Variants in INF2 observed in about 807,000 individuals in gnomAD.
INF2 encodes the protein inverted formin 2, also known as inverted formin-2.
Under a neutral mutation model 123.5 loss-of-function variants are expected in INF2, and 43 were observed. That is an observed-to-expected ratio of 0.35 (90% CI 0.27 to 0.45). The LOEUF (loss-of-function observed/expected upper bound fraction) is 0.45, where lower values mean the gene tolerates loss of function less well. Among genes scored for constraint, INF2 ranks in the 20% least tolerant of loss-of-function variants. INF2 has a pLI of 1.00. For missense variants in INF2, 1,453 were observed against 1,682.7 expected, an observed-to-expected ratio of 0.86 and a Z score of 2.39; for synonymous variants, 851 against 745.0, an observed-to-expected ratio of 1.14 and a Z score of -2.32.
At chr14:104,700,418 C>T (rs2140632870) in intron 1 of INF2, among the ~76,000 whole-genome samples, 2 of 152,316 alleles carry the variant, frequency 1.3e-5, no homozygotes, top group Non-Finnish European at 2.9e-5. Context: ...CCCTAGCTCC[C>T]TCCCCGAGGC....
chr14:104,694,706 G>A (rs1332060392), intron 1 of INF2, among the ~76,000 whole-genome samples: 2 of 152,120 alleles, frequency 1.3e-5, no homozygotes, highest in Non-Finnish European at 2.9e-5. Flanking sequence ...AGCAGCCCCT[G>A]GCCGTGCTGG....
At chr14:104,712,589 G>A in intron 17 of INF2, 36 bp downstream of exon 17, 1 of 1,612,204 alleles carries the variant, frequency 6.2e-7, no homozygotes, top group South Asian at 1.1e-5. Context: ...TGGCGGGAGA[G>A]GCTGCCCTGA....
rs116491606 is a variant in INF2, at chr14:104,710,637, G to A, written c.2240-300G>A. On this transcript the variant is annotated intron_variant, in intron 13 of 22. Transcript: ENST00000392634. ...TGTACAGACATAAGTGCACACACAC[G>A]GGCACCATCTCTGAAAGGGGAATCC... 8.9e-4 allele frequency: 476 copies of A among 536,262 alleles called. 1 individual carries two copies. Among genetic ancestry groups the A allele is most frequent in the African/African-American group, 7.8e-3 (413 of 52,762 alleles). 33.2% of individuals were successfully genotyped at this position (536,262 alleles called of 1,614,324 possible).
In INF2 at chr14:104,719,051, A is replaced by G; in HGVS notation, c.*258A>G. 1.2e-6 allele frequency: 1 copy of G among 810,038 alleles called. No individual in the cohort carries two copies. Among genetic ancestry groups the G allele is most frequent in the Non-Finnish European group, 1.8e-6 (1 of 549,084 alleles). 50.2% of individuals were successfully genotyped at this position (810,038 alleles called of 1,614,324 possible). The stretch of plus-strand genomic sequence containing the variant: ...TGCCAGCCTCCCACCTGCTTCCTAA[A>G]GGCAACCCTGGCCCACACCCGCATG... On this transcript the variant is annotated 3_prime_UTR_variant, in exon 23 of 23. Coordinates refer to ENST00000392634, the MANE Select transcript of INF2 (RefSeq NM_022489.4).
chr14:104,713,851 A>G (rs1420254029), intron 20 of INF2, among the ~76,000 whole-genome samples: 1 of 152,232 alleles, frequency 6.6e-6, no homozygotes, highest in Non-Finnish European at 1.5e-5. Flanking sequence ...GCAGCAGTCC[A>G]GCCCGCTGGG....
intron 22 of INF2, chr14:104,715,785 C>T (rs1325974965): frequency 8.4e-6 from 4 of 475,540 alleles, no homozygotes; most frequent in South Asian, 6.2e-5. Flanking sequence ...GGGCTATCTT[C>T]ACTCTAAGTG....
chr14:104,686,753 G>A (rs951222085), upstream of INF2, among the ~76,000 whole-genome samples: 6 of 152,192 alleles, frequency 3.9e-5, no homozygotes, highest in South Asian at 2.1e-4. Context: ...GCAAGTGGCC[G>A]CCTGCTGCAT....
intron 16 of INF2, 118 bp downstream of exon 16, chr14:104,711,817 G>C: frequency 2.3e-6 from 2 of 852,240 alleles, no homozygotes; most frequent in South Asian, 1.6e-5. Flanking sequence ...CAGCCCCGGC[G>C]CCACGGAGCC....
chr14:104,693,801 A>T (rs1289556326), intron 1 of INF2, among the ~76,000 whole-genome samples: 1 of 152,178 alleles, frequency 6.6e-6, no homozygotes, highest in Non-Finnish European at 1.5e-5. Context: ...GGGTCCTTGC[A>T]GGCCCTGGGA....
At chr14:104,714,094 G>A in intron 20 of INF2, 109 bp from the exon 21 acceptor site, 5 of 964,630 alleles carry the variant, frequency 5.2e-6, no homozygotes, top group Non-Finnish European at 7.5e-6. Context: ...GGCTTTCTGG[G>A]GAGGAGGTTT....
At chr14:104,715,427 A>G in intron 22 of INF2, 87 bp downstream of exon 22, 1 of 1,245,834 alleles carries the variant, frequency 8.0e-7, no homozygotes, top group Non-Finnish European at 1.2e-6. Context: ...CCTCCGGGAC[A>G]CTAACCTGGC....
Position 104,711,695 on chromosome 14 carries a change from G to C in INF2, c.2485G>C (p.Ala829Pro). Residue 829 changes from alanine to proline, a missense_variant, in exon 16 of 23, where the codon GCA becomes CCA. Coordinates refer to ENST00000392634, the MANE Select transcript of INF2 (RefSeq NM_022489.4). Reference protein sequence around the residue: ...PRDLEQPSQAAGINLEIIRSE... With the variant: ...PRDLEQPSQAPGINLEIIRSE... The stretch of plus-strand genomic sequence containing the variant: ...GGACCTGGAACAGCCCTCGCAAGCA[G>C]CAGGGTAGGTAGCTCCTGCCAGCCC... The C allele has an allele frequency of 6.2e-7, 1 of 1,612,330 alleles. No homozygotes were observed. The highest frequency in any genetic ancestry group is 8.5e-7 in the Non-Finnish European group (1 of 1,179,634).
In INF2 at chr14:104,710,977, G is replaced by C. The variant is rs1890021066; in HGVS notation, c.2280G>C (p.Leu760=). 1 of 1,611,748 alleles carries C rather than the reference G, an allele frequency of 6.2e-7. No individual in the cohort carries two copies. Among genetic ancestry groups the C allele is most frequent in the Admixed American group, 1.7e-5 (1 of 59,928 alleles). The change falls in exon 14 of 23, where the codon CTG becomes CTC. Residue 760 remains leucine (L), a synonymous_variant. Coordinates refer to ENST00000392634, the MANE Select transcript of INF2 (RefSeq NM_022489.4). ...TSRQLPIFCQ[L]ILRIGNFLNY... is the part of the protein sequence containing the mutation. The stretch of plus-strand genomic sequence containing the variant: ...GCCAGCTGCCCATCTTCTGCCAGCT[G>C]ATCCTGAGAATTGGGAACTTCCTCA...
chr14:104,704,462 C>T (rs942609505), intron 5 of INF2: 10 of 194,258 alleles, frequency 5.1e-5, no homozygotes, highest in East Asian at 2.5e-4. Context: ...AACCGGGCCA[C>T]GCAGCAGGAA....
At chr14:104,687,027 C>T (rs750553860), upstream of INF2, among the ~76,000 whole-genome samples, 4 of 152,204 alleles carry the variant, frequency 2.6e-5, no homozygotes, top group Non-Finnish European at 2.9e-5. This position sits in a 1 kb window ranked among gnomAD's most constrained non-coding sequence, Gnocchi z 5.6. Context: ...TGTACCTGCA[C>T]GACCCTGTTC....
rs778305724 is a variant in INF2, at chr14:104,711,194, G to A, written c.2418+8G>A. 6.2e-5 allele frequency: 96 copies of A among 1,550,772 alleles called. No homozygotes were observed. The highest frequency in any genetic ancestry group is 8.3e-5 in the South Asian group (7 of 84,316). On this transcript the variant is annotated splice_region_variant and intron_variant, in intron 15 of 22. Transcript: ENST00000392634. ...CTGCACCACGTGCTGGAGGTGGGCC[G>A]TGGTGGCGGGGGCATAATGGGAGGG...
chr14:104,710,812 C>T, intron 13 of INF2, 125 bp from the exon 14 acceptor site: 1 of 798,170 alleles, frequency 1.3e-6, no homozygotes. Context: ...CCTTCCGGTG[C>T]TGGGCTGAGC....
At chr14:104,681,932 G>A (rs996622656) in intron 1 of INF2, among the ~76,000 whole-genome samples, 1 of 152,222 alleles carries the variant, frequency 6.6e-6, no homozygotes, top group African/African-American at 2.4e-5. Flanking sequence ...GAGGCGCTGT[G>A]GGAAGGAGGG....
intron 11 of INF2, 43 bp downstream of exon 11, chr14:104,709,426 C>A: frequency 6.7e-7 from 1 of 1,501,326 alleles, no homozygotes; most frequent in Non-Finnish European, 9.3e-7. Context: ...TTAGTGCCAC[C>A]AACCAAGGGA....
Sources: gnomAD v4.1 joint callset for allele counts (sites outside exome capture counted in the v4.1 genomes callset) on GRCh38, gnomAD v4.1.1 for gene constraint, Gnocchi (gnomAD v3.1) non-coding constraint, MANE v1.5 for transcripts, NCBI Gene and HGNC (gene_info 2026-07-23, HGNC 2026-07-21) for gene names.